The following WDR82 variants were observed in gnomAD, a reference collection of about 807,000 sequenced individuals.
The protein encoded by WDR82 is WD repeat-containing protein 82.
In WDR82, 8 loss-of-function variants were observed where a neutral mutation model predicts 36.1. The observed-to-expected ratio is 0.22, with a 90% confidence interval of 0.13 to 0.40. The LOEUF (loss-of-function observed/expected upper bound fraction) is 0.40, where lower values mean the gene tolerates loss of function less well. Among genes scored for constraint, WDR82 ranks in the 10% least tolerant of loss-of-function variants. The pLI is 1.00. For missense variants in WDR82, 185 were observed against 400.5 expected, an observed-to-expected ratio of 0.46 and a Z score of 4.59; for synonymous variants, 129 against 137.8, an observed-to-expected ratio of 0.94 and a Z score of 0.45.
At chr3:52,272,696 T>G (rs993419020) in intron 1 of WDR82, among the ~76,000 whole-genome samples, 3 of 152,230 alleles carry the variant, frequency 2.0e-5, no homozygotes, top group African/African-American at 7.2e-5. Flanking sequence ...AAAGATTTCA[T>G]AAATCCTGTA....
At chr3:52,266,562 C>A (rs926145732) in intron 3 of WDR82, among the ~76,000 whole-genome samples, 8 of 152,050 alleles carry the variant, frequency 5.3e-5, no homozygotes, top group Admixed American at 6.6e-5. Flanking sequence ...CTCAGCCTCC[C>A]GAGTAGCTGG....
chr3:52,271,508 A>G (rs1401403435), intron 1 of WDR82, among the ~76,000 whole-genome samples: 1 of 152,188 alleles, frequency 6.6e-6, no homozygotes, highest in African/African-American at 2.4e-5. Flanking sequence ...TTAACTTACA[A>G]CAAAGAGGGA....
Position 52,278,594 on chromosome 3 carries a change from C to A in WDR82, c.-233G>T. On this transcript the variant is annotated 5_prime_UTR_variant, in exon 1 of 9. Transcript: ENST00000296490. ...TCCTCACAGCCACCTCACGGACAAC[C>A]GGCGCGTCGCCGGCTCATTGTGTCC... 2.5e-6 allele frequency: 1 copy of A among 405,410 alleles called. No individual in the cohort carries two copies. Among genetic ancestry groups the A allele is most frequent in the South Asian group, 1.2e-4 (1 of 8,016 alleles). 25.1% of individuals were successfully genotyped at this position (405,410 alleles called of 1,614,324 possible). A position where few individuals can be genotyped will look rare whatever the true frequency, so the allele number is the denominator to read the frequency against.
chr3:52,277,868 A>G (rs1578013799), intron 1 of WDR82, among the ~76,000 whole-genome samples: 1 of 152,298 alleles, frequency 6.6e-6, no homozygotes, highest in East Asian at 1.9e-4. Context: ...CAGCCTGAGG[A>G]GCTGAAAACG....
chr3:52,275,296 G>T (rs563711651), intron 1 of WDR82, among the ~76,000 whole-genome samples: 121 of 152,108 alleles, frequency 8.0e-4, no homozygotes, highest in African/African-American at 2.7e-3. Flanking sequence ...AGGTCGGTTT[G>T]ACCTATACTA....
intron 1 of WDR82, among the ~76,000 whole-genome samples, chr3:52,274,080 C>CT (rs1700179139): frequency 6.6e-6 from 1 of 152,220 alleles, no homozygotes; most frequent in African/African-American, 2.4e-5. Flanking sequence ...TAACCTTTCA[C>CT]TTTGAGTAAT....
chr3:52,278,356 C>T lies in WDR82; in HGVS notation c.6G>A (p.Lys2=). M[K]LTDSVLRSFR... ...AGCTCCGCAACACGCTGTCGGTCAG[C>T]TTCATGGCGGCGGCTGGGGAAGGCA... The change falls in exon 1 of 9, where the codon AAG becomes AAA. Residue 2 remains lysine (K), a synonymous_variant. Transcript: ENST00000296490. 1 of 1,559,224 alleles carries T rather than the reference C, an allele frequency of 6.4e-7. No homozygotes were observed. Among genetic ancestry groups the T allele is most frequent in the African/African-American group, 1.4e-5 (1 of 71,036 alleles).
intron 1 of WDR82, among the ~76,000 whole-genome samples, chr3:52,276,875 T>C (rs1700207554): frequency 6.6e-6 from 1 of 151,992 alleles, no homozygotes; most frequent in African/African-American, 2.4e-5. Context: ...GCCGGTTACA[T>C]AATACTTTCT....
chr3:52,271,237 A>G (rs1700150847), intron 1 of WDR82, among the ~76,000 whole-genome samples: 1 of 152,212 alleles, frequency 6.6e-6, no homozygotes, highest in South Asian at 2.1e-4. Flanking sequence ...GTTTTACGGC[A>G]CCTTTTCTAT....
At position 52,261,372 on chromosome 3, in the gene WDR82, AC is replaced by A; in HGVS notation, c.426+7del. 3.1e-6 allele frequency: 5 copies of A among 1,608,836 alleles called. No homozygotes were observed. The highest frequency in any genetic ancestry group is 4.2e-6 in the Non-Finnish European group (5 of 1,177,424). On this transcript the variant is annotated splice_region_variant and intron_variant, in intron 4 of 8. Transcript: ENST00000296490. The stretch of plus-strand genomic sequence containing the variant: ...TGCTCAAAAAGTATAACTGTGAGGT[AC>A]CATTACCTGGCAGTTAGGAGACCGG...
chr3:52,274,564 T>C (rs1174340319), intron 1 of WDR82, among the ~76,000 whole-genome samples: 1 of 151,246 alleles, frequency 6.6e-6, no homozygotes, highest in Non-Finnish European at 1.5e-5. Flanking sequence ...GACCTTTGTC[T>C]TAACAACAAA....
chr3:52,264,578 A>G (rs766396561), intron 3 of WDR82, among the ~76,000 whole-genome samples: 5 of 152,140 alleles, frequency 3.3e-5, no homozygotes, highest in Non-Finnish European at 5.9e-5. Context: ...TCTTCTTTCA[A>G]GTTTGATAGT....
chr3:52,274,987 C>T (rs569172812), intron 1 of WDR82, among the ~76,000 whole-genome samples: 214 of 152,298 alleles, frequency 1.4e-3, no homozygotes, highest in Middle Eastern at 3.4e-3. Context: ...CTTTGGGAGG[C>T]CGAGGCGGCG....
At chr3:52,267,150 T>C in intron 2 of WDR82, 132 bp from the exon 3 acceptor site, 1 of 641,750 alleles carries the variant, frequency 1.6e-6, no homozygotes, top group East Asian at 3.2e-5. Context: ...GAATAAATAA[T>C]GGTGAATAAT....
chr3:52,261,268 C>T (rs758296910), intron 4 of WDR82, 112 bp downstream of exon 4: 6 of 914,488 alleles, frequency 6.6e-6, no homozygotes, highest in Non-Finnish European at 8.2e-6. Context: ...TTTAAAAAGA[C>T]CCTGTGATCC....
At chr3:52,276,370 G>A (rs1700202775) in intron 1 of WDR82, among the ~76,000 whole-genome samples, 1 of 151,730 alleles carries the variant, frequency 6.6e-6, no homozygotes, top group Non-Finnish European at 1.5e-5. Flanking sequence ...GGCAGAGGTT[G>A]CAGTGAGCCA....
In WDR82 at chr3:52,254,871, C is replaced by T. The variant is rs1361770193; in HGVS notation, c.*2619G>A. ...CCACTCGCTTCCAGCTATATCTTTT[C>T]CCTTTCCTTCTTAATTCAGGAGGCA... On this transcript the variant is annotated 3_prime_UTR_variant, in exon 9 of 9. Transcript: ENST00000296490. The T allele has an allele frequency of 6.6e-6, 1 of 152,300 alleles. No homozygotes were observed. The highest frequency in any genetic ancestry group is 1.5e-5 in the Non-Finnish European group (1 of 68,126). The allele number at this position is 152,300 out of a possible 1,614,324, so 9.4% of individuals were successfully genotyped here.
rs1700018835 is a variant in WDR82, at chr3:52,257,349, C to T, written c.*141G>A. ...AATTATTTTCTTTTGAGCAGATGTACAGCACATCCATGGGAAGGCCATGTA... is the reference window on the plus strand; with the variant it reads ...AATTATTTTCTTTTGAGCAGATGTATAGCACATCCATGGGAAGGCCATGTA... On this transcript the variant is annotated 3_prime_UTR_variant, in exon 9 of 9. Transcript: ENST00000296490. 1.8e-6 allele frequency: 2 copies of T among 1,142,300 alleles called. No individual in the cohort carries two copies. Among genetic ancestry groups the T allele is most frequent in the Middle Eastern group, 2.3e-4 (1 of 4,284 alleles). 70.8% of individuals were successfully genotyped at this position (1,142,300 alleles called of 1,614,324 possible).
intron 3 of WDR82, 89 bp from the exon 4 acceptor site, chr3:52,261,568 A>T: frequency 9.8e-7 from 1 of 1,015,688 alleles, no homozygotes; most frequent in South Asian, 2.0e-5. Context: ...ATCTATACAT[A>T]TATATACCTG....
Sources: gnomAD v4.1 joint callset for allele counts (sites outside exome capture counted in the v4.1 genomes callset) on GRCh38, gnomAD v4.1.1 for gene constraint, MANE v1.5 for transcripts, NCBI Gene and HGNC (gene_info 2026-07-23, HGNC 2026-07-21) for gene names.